Variants in SAR1A observed in about 807,000 individuals in gnomAD.
SAR1A encodes the protein secretion associated Ras related GTPase 1A.
A neutral mutation model predicts 22.6 loss-of-function variants in SAR1A; 6 were observed. That is an observed-to-expected ratio of 0.27 (90% CI 0.15 to 0.52). The LOEUF (loss-of-function observed/expected upper bound fraction) is 0.52. SAR1A is among the 20% of genes least tolerant of loss of function. The pLI is 0.96. For missense variants in SAR1A, 145 were observed against 245.1 expected (o/e 0.59, Z 2.73); for synonymous variants, 70 against 82.2 (o/e 0.85, Z 0.80).
At chr10:70,160,577 A>C (rs1839456584) in intron 4 of SAR1A, among the ~76,000 whole-genome samples, 1 of 152,230 alleles carries the variant, frequency 6.6e-6, no homozygotes, top group African/African-American at 2.4e-5. Context: ...GAAGCAATAC[A>C]TATATCTTTT....
intron 1 of SAR1A, among the ~76,000 whole-genome samples, chr10:70,165,077 A>G (rs1161789384): frequency 6.6e-6 from 1 of 152,016 alleles, no homozygotes; most frequent in East Asian, 1.9e-4. Context: ...CATCCCGGCT[A>G]AAACGGTGAA....
chr10:70,158,757 C>CAGAA (rs368054677), intron 4 of SAR1A, among the ~76,000 whole-genome samples: 6 of 125,806 alleles, frequency 4.8e-5, no homozygotes, highest in African/African-American at 5.9e-5. Context: ...TTAAGTTATA[C>CAGAA]AAAAAAAAAA....
rs937730770 is a variant in SAR1A, at chr10:70,163,921, C to T, written c.-16-1990G>A. 1.9e-5 allele frequency: 31 copies of T among 1,596,444 alleles called. No individual in the cohort carries two copies. The Middle Eastern group carries it at 5.0e-4, about 26-fold the overall frequency. Reference sequence around the variant, plus strand: ...ATGATGGCAAGAAAAATGAAAGACACAGACAGTGAAGAAGAAATTAGAGAA... The same window carrying T: ...ATGATGGCAAGAAAAATGAAAGACATAGACAGTGAAGAAGAAATTAGAGAA... On this transcript the variant is annotated intron_variant, in intron 1 of 6. Coordinates refer to ENST00000373241, the MANE Select transcript of SAR1A (RefSeq NM_020150.5).
intron 1 of SAR1A, among the ~76,000 whole-genome samples, chr10:70,167,048 G>A (rs1271902675): frequency 1.3e-5 from 2 of 152,004 alleles, no homozygotes; most frequent in Admixed American, 6.6e-5. Context: ...ATAGCAGTAA[G>A]TTCCCAAGCC....
intron 5 of SAR1A, 35 bp downstream of exon 5, chr10:70,157,729 A>G: frequency 6.7e-7 from 1 of 1,497,060 alleles, no homozygotes. Flanking sequence ...AGAACAAAAT[A>G]TACATTAAAA....
rs1355788597 is a variant in SAR1A, at chr10:70,147,893, T to A, written c.*4583A>T. The A allele has an allele frequency of 2.6e-5, 4 of 152,272 alleles. No homozygotes were observed. The highest frequency in any genetic ancestry group is 5.9e-5 in the Non-Finnish European group (4 of 68,072). The allele number at this position is 152,272 out of a possible 1,614,324, so 9.4% of individuals were successfully genotyped here. A position where few individuals can be genotyped will look rare whatever the true frequency, so the allele number is the denominator to read the frequency against. The stretch of plus-strand genomic sequence containing the variant: ...TTATTTTTTATTTATTTATTTATTT[T>A]TTTGAGACGGAGTCTCGCTCTGTCG... On this transcript the variant is annotated 3_prime_UTR_variant, in exon 7 of 7. Coordinates refer to ENST00000373241, the MANE Select transcript of SAR1A (RefSeq NM_020150.5).
chr10:70,162,423 G>A (rs1589877310), intron 1 of SAR1A, among the ~76,000 whole-genome samples: 1 of 127,698 alleles, frequency 7.8e-6, no homozygotes, highest in Non-Finnish European at 1.6e-5. Flanking sequence ...AAGGGAAAGG[G>A]AAAGGAAAGG....
chr10:70,170,232 C>A (rs1233937995), intron 1 of SAR1A, among the ~76,000 whole-genome samples, 181 bp downstream of exon 1: 1 of 151,976 alleles, frequency 6.6e-6, no homozygotes, highest in Non-Finnish European at 1.5e-5. Flanking sequence ...GGGGACGGAG[C>A]AGATCTGGCC....
At chr10:70,165,608 T>C (rs1839537782) in intron 1 of SAR1A, among the ~76,000 whole-genome samples, 1 of 152,220 alleles carries the variant, frequency 6.6e-6, no homozygotes, top group African/African-American at 2.4e-5. Context: ...AACTAATGGA[T>C]AAAGAGATGC....
rs1025003961 is a variant in SAR1A at position 70,150,315 on chromosome 10, G to A, written c.*2161C>T. 3.9e-5 allele frequency: 6 copies of A among 152,232 alleles called. No homozygotes were observed. Among genetic ancestry groups the A allele is most frequent in the African/African-American group, 1.4e-4 (6 of 41,458 alleles). 9.4% of individuals were successfully genotyped at this position (152,232 alleles called of 1,614,324 possible). A position where few individuals can be genotyped will look rare whatever the true frequency, so the allele number is the denominator to read the frequency against. On this transcript the variant is annotated 3_prime_UTR_variant, in exon 7 of 7. Coordinates refer to ENST00000373241, the MANE Select transcript of SAR1A (RefSeq NM_020150.5). ...TATATGCACTCTGATAAAACAGAAT[G>A]AGAAGTCATAATTCATGGGAATTCC...
chr10:70,154,007 A>G (rs1564568964), intron 5 of SAR1A, 38 bp from the exon 6 acceptor site: 2 of 1,493,618 alleles, frequency 1.3e-6, no homozygotes, highest in Non-Finnish European at 1.8e-6. Context: ...AAAAAAAAGA[A>G]TTAAGTGAGG....
chr10:70,149,569 T>TTTTTTTTTTTTTTTTTTTTTTA lies in SAR1A; in HGVS notation c.*2906_*2907insTAAAAAAAAAAAAAAAAAAAAA, dbSNP rs1589871699. Reference sequence around the variant, plus strand: ...TTGATTTTTTTTTTTTTTTTTTTTTTGAGCTAGAGAGAGTCTTGCTCTGTC... The same window carrying TTTTTTTTTTTTTTTTTTTTTTA: ...TTGATTTTTTTTTTTTTTTTTTTTTTTTTTTTTTTTTTTTTTTTTTTAGAGCTAGAGAGAGTCTTGCTCTGTC... On this transcript the variant is annotated 3_prime_UTR_variant, in exon 7 of 7. Transcript: ENST00000373241. 1 of 143,940 alleles carries TTTTTTTTTTTTTTTTTTTTTTA rather than the reference T, an allele frequency of 6.9e-6. No homozygotes were observed. The highest frequency in any genetic ancestry group is 1.5e-5 in the Non-Finnish European group (1 of 66,390). 8.9% of individuals were successfully genotyped at this position (143,940 alleles called of 1,614,324 possible).
In SAR1A at chr10:70,152,501, C is replaced by A. The variant is rs748066485; in HGVS notation, c.572G>T (p.Arg191Leu). Reference protein sequence around the residue: ...LKRQGYGEGFRWLSQYID With the variant: ...LKRQGYGEGFLWLSQYID ...TCAGTCAATATACTGGGAGAGCCAG[C>A]GGAAACCCTCGCCGTAACCTTGCCT... Residue 191 changes from arginine (R) to leucine (L), a missense_variant, in exon 7 of 7, where the codon CGC (arginine) becomes CTC (leucine). Around this residue, in one of 3 missense-constraint regions of SAR1A, gnomAD observed 83 missense variants for 114.7 expected, o/e 0.72. Transcript: ENST00000373241. The A allele has an allele frequency of 1.9e-6, 3 of 1,613,586 alleles. No homozygotes were observed. Among genetic ancestry groups the A allele is most frequent in the South Asian group, 1.1e-5 (1 of 91,072 alleles).
At position 70,153,712 on chromosome 10, in the gene SAR1A, C is replaced by T. The variant is rs533473301; in HGVS notation, c.480+126G>A. 216 of 690,560 alleles carry T rather than the reference C, an allele frequency of 3.1e-4. 1 individual carries two copies. In the African/African-American group the frequency reaches 3.6e-3, roughly 11 times the overall value. 42.8% of individuals were successfully genotyped at this position (690,560 alleles called of 1,614,324 possible). A position where few individuals can be genotyped will look rare whatever the true frequency, so the allele number is the denominator to read the frequency against. On this transcript the variant is annotated intron_variant, in intron 6 of 6. Transcript: ENST00000373241. The stretch of plus-strand genomic sequence containing the variant: ...CTGCCTCTAGTGAGCTTACAAAATA[C>T]TCACAGTAAAACTAATCCTAAGCCT...
In SAR1A at chr10:70,149,958, T is replaced by C. The variant is rs977178921; in HGVS notation, c.*2518A>G. ...TCAAACATCTGCCATCCCCATCCTG[T>C]TGCAGAGATGACCAACAACCCTGGG... On this transcript the variant is annotated 3_prime_UTR_variant, in exon 7 of 7. Transcript: ENST00000373241. 19 of 152,212 alleles carry C rather than the reference T, an allele frequency of 1.2e-4. No homozygotes were observed. Among genetic ancestry groups the C allele is most frequent in the Admixed American group, 7.2e-4 (11 of 15,282 alleles). The allele number at this position is 152,212 out of a possible 1,614,324, so 9.4% of individuals were successfully genotyped here. A position where few individuals can be genotyped will look rare whatever the true frequency, so the allele number is the denominator to read the frequency against.
intron 3 of SAR1A, 172 bp from the exon 4 acceptor site, chr10:70,161,241 A>T (rs1021536243): frequency 1.7e-6 from 1 of 575,092 alleles, no homozygotes; most frequent in Non-Finnish European, 3.0e-6. Context: ...GGGCAGGAGG[A>T]TAATCTGAGC....
At chr10:70,154,633 T>C (rs188107617) in intron 5 of SAR1A, among the ~76,000 whole-genome samples, 126 of 150,252 alleles carry the variant, frequency 8.4e-4, no homozygotes, top group African/African-American at 3.0e-3. Flanking sequence ...AATTTTTGTA[T>C]TTTTTTAGTA....
Position 70,153,911 on chromosome 10 carries a change from A to T in SAR1A, c.407T>A (p.Ile136Asn). 1 of 1,609,662 alleles carries T rather than the reference A, an allele frequency of 6.2e-7. No homozygotes were observed. Among genetic ancestry groups the T allele is most frequent in the Admixed American group, 1.7e-5 (1 of 59,384 alleles). ...TTCACTGATTGCATCTGTTCTGTCAATTTTGTTACCCAAGATAAGGATTGG... is the reference window on the plus strand; with the variant it reads ...TTCACTGATTGCATCTGTTCTGTCATTTTTGTTACCCAAGATAAGGATTGG... ...NVPILILGNK[I>N]DRTDAISEEK... Residue 136 changes from isoleucine (I) to asparagine (N), a missense_variant, in exon 6 of 7, where the codon ATT becomes AAT. Physicochemically the swap from Ile to Asn is moderately radical, Grantham distance 149 (BLOSUM62 -3). Coordinates refer to ENST00000373241, the MANE Select transcript of SAR1A (RefSeq NM_020150.5).
At chr10:70,169,160 G>C (rs1300731749) in intron 1 of SAR1A, among the ~76,000 whole-genome samples, 1 of 151,932 alleles carries the variant, frequency 6.6e-6, no homozygotes, top group Non-Finnish European at 1.5e-5. Context: ...CGGCTCAGTT[G>C]AAAAAGTAAT....
Sources: gnomAD v4.1 joint callset for allele counts (sites outside exome capture counted in the v4.1 genomes callset) on GRCh38, gnomAD v4.1.1 for gene constraint, gnomAD v4.1.1 regional missense constraint, MANE v1.5 for transcripts, NCBI Gene and HGNC (gene_info 2026-07-23, HGNC 2026-07-21) for gene names.